PUDP: variants seen among roughly 807,000 people sequenced by gnomAD.
PUDP encodes the protein pseudouridine-5'-phosphatase.
Under a neutral mutation model 9.4 loss-of-function variants are expected in PUDP, and 8 were observed. That is an observed-to-expected ratio of 0.85 (90% CI 0.50 to 1.53). The LOEUF is 1.53. Among genes scored for constraint, PUDP ranks in the 40% most tolerant of loss-of-function variants. PUDP has a pLI of 0.00. For missense variants in PUDP, 188 were observed against 189.7 expected, an observed-to-expected ratio of 0.99 and a Z score of 0.05; for synonymous variants, 99 against 80.7, an observed-to-expected ratio of 1.23 and a Z score of -1.22.
chrX:6,788,514 G>A (rs750165418), intron 3 of PUDP, among the ~76,000 whole-genome samples: 94 of 111,514 alleles, frequency 8.4e-4, no homozygotes, highest in African/African-American at 3.0e-3. Flanking sequence ...ACCAGCCTGG[G>A]CAACATGGCA....
chrX:6,824,503 C>T (rs1303628950), intron 3 of PUDP, among the ~76,000 whole-genome samples: 1 of 111,368 alleles, frequency 9.0e-6, no homozygotes, highest in Admixed American at 9.6e-5. Context: ...TCTTATTTTA[C>T]TCAGCCCATA....
At chrX:6,930,986 C>T (rs1928182095) in intron 3 of PUDP, among the ~76,000 whole-genome samples, 1 of 110,836 alleles carries the variant, frequency 9.0e-6, no homozygotes, top group Non-Finnish European at 1.9e-5. Context: ...TTGTTGTTTA[C>T]CTGACATTCA....
chrX:6,851,673 G>A (rs1377990092), intron 3 of PUDP, among the ~76,000 whole-genome samples: 1 of 111,575 alleles, frequency 9.0e-6, no homozygotes, highest in Non-Finnish European at 1.9e-5. Flanking sequence ...TCTGTGATGT[G>A]GCCACAAAAG....
chrX:6,740,945 C>T (rs771315169), intron 3 of PUDP, among the ~76,000 whole-genome samples: 3 of 111,453 alleles, frequency 2.7e-5, no homozygotes, highest in East Asian at 5.6e-4. Context: ...GATCACCTGA[C>T]GTCAGGAGTT....
At chrX:6,782,926 TACAA>T (rs1207264491) in intron 3 of PUDP, among the ~76,000 whole-genome samples, 5 of 111,735 alleles carry the variant, frequency 4.5e-5, no homozygotes, top group African/African-American at 1.3e-4. Flanking sequence ...GGGCATCTTT[TACAA>T]ACAGATTGGC....
chrX:7,032,762 T>C (rs1014665660), intron 1 of PUDP, among the ~76,000 whole-genome samples: 12 of 111,942 alleles, frequency 1.1e-4, no homozygotes, highest in African/African-American at 3.6e-4. Context: ...ATATTCTATA[T>C]CTTTATTAGG....
At chrX:6,957,402 T>A (rs1041495899) in intron 3 of PUDP, among the ~76,000 whole-genome samples, 1 of 104,916 alleles carries the variant, frequency 9.5e-6, no homozygotes, top group African/African-American at 3.4e-5. Flanking sequence ...AAAAAAAAAA[T>A]AGTTCAGCTC....
chrX:6,966,164 A>G (rs1046887229), intron 3 of PUDP, among the ~76,000 whole-genome samples: 1 of 110,785 alleles, frequency 9.0e-6, no homozygotes, highest in African/African-American at 3.3e-5. Context: ...TTTTTCTACA[A>G]TTATCACATA....
At position 6,930,434 on chromosome X, in the gene PUDP, C is replaced by T. The variant is rs143027719; in HGVS notation, c.*247+46699G>A. Among the ~76,000 whole-genome samples, 991 of 111,420 alleles carry T rather than the reference C, an allele frequency of 8.9e-3. 12 individuals are homozygous for T. The highest frequency in any genetic ancestry group is 0.03 in the African/African-American group (932 of 30,635). ...TGCTCATTATATGCTAATTCAAATG[C>T]ATTAGTTGCTAAAAGACACTCCCAC... is the stretch of plus-strand genomic sequence containing the variant. On this transcript the variant is annotated intron_variant and NMD_transcript_variant, in intron 3 of 3. Coordinates refer to the PUDP transcript ENST00000655425.
chrX:6,858,403 C>T (rs1478905679), intron 3 of PUDP, among the ~76,000 whole-genome samples: 1 of 103,317 alleles, frequency 9.7e-6, no homozygotes, highest in Admixed American at 1.1e-4. Context: ...AATGATGGCT[C>T]ACCACAGCCT....
At chrX:6,723,432 CAAAAAAAAAAAAA>C (rs549361509), upstream of PUDP, among the ~76,000 whole-genome samples, 9 of 17,329 alleles carry the variant, frequency 5.2e-4, no homozygotes, top group Non-Finnish European at 8.2e-4. Context: ...GAGGCTCTGT[CAAAAAAAAAAAAA>C]AAAAAAAAAA....
At chrX:6,892,902 T>C (rs1205704899) in intron 3 of PUDP, among the ~76,000 whole-genome samples, 1 of 111,977 alleles carries the variant, frequency 8.9e-6, no homozygotes, top group Non-Finnish European at 1.9e-5. Flanking sequence ...TCCTTGGTCT[T>C]GGACTTCCAG....
At chrX:6,790,824 A>G (rs1454525431) in intron 3 of PUDP, among the ~76,000 whole-genome samples, 1 of 112,227 alleles carries the variant, frequency 8.9e-6, no homozygotes, top group East Asian at 2.8e-4. Flanking sequence ...CATGGTCTAC[A>G]TCTCCATAGG....
intron 1 of PUDP, among the ~76,000 whole-genome samples, chrX:7,016,496 C>T (rs1012356569): frequency 4.5e-5 from 5 of 111,155 alleles, no homozygotes; most frequent in African/African-American, 1.6e-4. Context: ...AGATAAAGTC[C>T]TCCCCACCCC....
chrX:7,009,972 G>C (rs1184332276), intron 1 of PUDP, among the ~76,000 whole-genome samples: 1 of 111,673 alleles, frequency 9.0e-6, no homozygotes, highest in South Asian at 3.8e-4. Flanking sequence ...TCCAATGTTT[G>C]GAATAATGAA....
chrX:7,011,878 T>C (rs765136071), intron 1 of PUDP, among the ~76,000 whole-genome samples: 4 of 112,569 alleles, frequency 3.6e-5, no homozygotes, highest in Non-Finnish European at 5.6e-5. Context: ...TTGATTGCTA[T>C]GGTCTGATTT....
chrX:6,734,415 GCATA>G (rs1355141329), intron 3 of PUDP, among the ~76,000 whole-genome samples: 30 of 112,193 alleles, frequency 2.7e-4, no homozygotes, highest in African/African-American at 8.8e-4. Context: ...ATTCTACAAT[GCATA>G]CATACAGCAA....
chrX:7,127,554 A>C (rs1163211970), intron 1 of PUDP, among the ~76,000 whole-genome samples: 1 of 112,558 alleles, frequency 8.9e-6, no homozygotes, highest in Admixed American at 9.4e-5. Context: ...AATCACCTGC[A>C]TGGGAATGTA....
intron 3 of PUDP, among the ~76,000 whole-genome samples, chrX:6,918,214 A>C (rs1240197494): frequency 8.9e-6 from 1 of 112,284 alleles, no homozygotes; most frequent in African/African-American, 3.2e-5. Context: ...GCAGTCAACA[A>C]ATGCATATTC....
Sources: gnomAD v4.1 joint callset for allele counts (sites outside exome capture counted in the v4.1 genomes callset) on GRCh38, gnomAD v4.1.1 for gene constraint, MANE v1.5 for transcripts, NCBI Gene and HGNC (gene_info 2026-07-23, HGNC 2026-07-21) for gene names.